The following ANXA8 variants were observed in gnomAD, a reference collection of about 807,000 sequenced individuals.
ANXA8 encodes VAC-beta.
Under a neutral mutation model 26.8 loss-of-function variants are expected in ANXA8, and 9 were observed. That is an observed-to-expected ratio of 0.34 (90% CI 0.20 to 0.59). The LOEUF (loss-of-function observed/expected upper bound fraction) is 0.59, where lower values mean the gene tolerates loss of function less well. ANXA8 is among the 20% of genes least tolerant of loss of function. ANXA8 has a pLI of 0.84. For synonymous variants in ANXA8, 39 were observed against 94.8 expected, an observed-to-expected ratio of 0.41 and a Z score of 3.42; for missense variants, 83 against 238.5, an observed-to-expected ratio of 0.35 and a Z score of 4.29.
At chr10:47,630,846 G>A in the ANXA8 span, among the ~76,000 whole-genome samples, 4 of 148,544 alleles carry the variant, frequency 2.7e-5, no homozygotes, top group Non-Finnish European at 1.5e-5. Context: ...GGAAGTTTAA[G>A]AGGACAATTC....
chr10:47,979,340 C>T, the ANXA8 span, among the ~76,000 whole-genome samples: 1 of 151,724 alleles, frequency 6.6e-6, no homozygotes, highest in African/African-American at 2.4e-5. Context: ...CCACAGAACA[C>T]TCCACCACCA....
the ANXA8 span, chr10:47,502,449 C>T: frequency 1.2e-6 from 2 of 1,612,438 alleles, no homozygotes; most frequent in Non-Finnish European, 1.7e-6. Context: ...CCTTCTCTTC[C>T]CTCGTGGACT....
At chr10:47,666,416 C>G in the ANXA8 span, among the ~76,000 whole-genome samples, 1 of 151,312 alleles carries the variant, frequency 6.6e-6, no homozygotes. Context: ...CATTATCTCA[C>G]TTAAGCTTTA....
At chr10:47,604,653 TCAA>T in the ANXA8 span, among the ~76,000 whole-genome samples, 3 of 150,336 alleles carry the variant, frequency 2.0e-5, no homozygotes, top group African/African-American at 4.9e-5. Context: ...TCCCACTGTT[TCAA>T]CAACGAGAGT....
chr10:47,626,925 G>C, the ANXA8 span, among the ~76,000 whole-genome samples: 2 of 149,504 alleles, frequency 1.3e-5, no homozygotes, highest in African/African-American at 2.6e-5. Flanking sequence ...ATTGGAAGGG[G>C]GTATGTTTTA....
the ANXA8 span, among the ~76,000 whole-genome samples, chr10:47,510,978 C>G: frequency 3.1e-5 from 4 of 130,924 alleles, no homozygotes; most frequent in South Asian, 5.0e-4. Context: ...GAGTCTCGCT[C>G]TGTAGCCCAG....
chr10:47,519,087 C>A, the ANXA8 span, among the ~76,000 whole-genome samples: 2 of 136,916 alleles, frequency 1.5e-5, 1 homozygote, highest in Non-Finnish European at 3.1e-5. Context: ...TAGTGGGAGG[C>A]ATTTGGGTAA....
At chr10:47,572,239 G>A in the ANXA8 span, among the ~76,000 whole-genome samples, 1 of 146,804 alleles carries the variant, frequency 6.8e-6, no homozygotes, top group Admixed American at 6.9e-5. Flanking sequence ...TCCCTTGTGT[G>A]AGTGTAAATA....
intron 1 of ANXA8, among the ~76,000 whole-genome samples, chr10:47,480,909 G>C (rs1167468506): frequency 2.6e-5 from 3 of 117,586 alleles, no homozygotes; most frequent in Admixed American, 1.8e-4. Flanking sequence ...TCCATCCATC[G>C]AAGCCCTGGG....
chr10:47,526,104 C>A, the ANXA8 span, among the ~76,000 whole-genome samples: 2 of 132,438 alleles, frequency 1.5e-5, 1 homozygote, highest in Non-Finnish European at 3.2e-5. Flanking sequence ...ATTTTTTTTA[C>A]TTTTTATTTT....
At chr10:47,956,611 T>C in the ANXA8 span, among the ~76,000 whole-genome samples, 2 of 150,724 alleles carry the variant, frequency 1.3e-5, no homozygotes, top group African/African-American at 2.5e-5. Context: ...GGCTGGAGAC[T>C]TCCCTCCCAT....
the ANXA8 span, among the ~76,000 whole-genome samples, chr10:47,960,453 G>C: frequency 6.7e-6 from 1 of 148,352 alleles, no homozygotes; most frequent in African/African-American, 2.5e-5. Flanking sequence ...GAGGGAGCCA[G>C]CATTTCTCTG....
the ANXA8 span, among the ~76,000 whole-genome samples, chr10:47,561,762 C>T: frequency 6.6e-6 from 1 of 151,576 alleles, no homozygotes; most frequent in Admixed American, 6.6e-5. Flanking sequence ...AGTCTGCCCT[C>T]GTGGTGCTAA....
chr10:47,673,024 C>T, the ANXA8 span, among the ~76,000 whole-genome samples: 45 of 149,502 alleles, frequency 3.0e-4, no homozygotes, highest in African/African-American at 5.6e-4. Context: ...AATAGGAATC[C>T]ACCATAGATG....
At chr10:47,743,285 T>A in the ANXA8 span, among the ~76,000 whole-genome samples, 2 of 69,744 alleles carry the variant, frequency 2.9e-5, 1 homozygote, top group Non-Finnish European at 6.0e-5. Flanking sequence ...TATACACACA[T>A]ATATATATAC....
At chr10:47,944,334 C>T in the ANXA8 span, among the ~76,000 whole-genome samples, 60 of 148,966 alleles carry the variant, frequency 4.0e-4, 4 homozygotes, top group East Asian at 9.2e-3. Context: ...GGGTAAACAC[C>T]GTCAATCTAG....
At chr10:47,660,808 CAAAAAAAAAA>C in the ANXA8 span, among the ~76,000 whole-genome samples, 26 of 61,046 alleles carry the variant, frequency 4.3e-4, no homozygotes, top group Non-Finnish European at 8.4e-4. Context: ...CACTGACTGT[CAAAAAAAAAA>C]AAAAAAAAAA....
the ANXA8 span, among the ~76,000 whole-genome samples, chr10:47,743,353 T>C: frequency 0.01 from 393 of 38,764 alleles, 10 homozygotes; most frequent in Middle Eastern, 0.013. Context: ...TATATATATA[T>C]ACACATATAT....
At chr10:47,488,750 CAG>C (rs1349056597), upstream of ANXA8, among the ~76,000 whole-genome samples, 2 of 81,796 alleles carry the variant, frequency 2.4e-5, no homozygotes, top group Admixed American at 2.1e-4. Flanking sequence ...TTTTTTGAGA[CAG>C]AGTATCACAC....
Sources: gnomAD v4.1 joint callset for allele counts (sites outside exome capture counted in the v4.1 genomes callset) on GRCh38, gnomAD v4.1.1 for gene constraint, MANE v1.5 for transcripts, NCBI Gene and HGNC (gene_info 2026-07-23, HGNC 2026-07-21) for gene names.